SLC5A10: variants seen among roughly 807,000 people sequenced by gnomAD.
SLC5A10 encodes sodium/mannose cotransporter SLC5A10.
Under a neutral mutation model 68.9 loss-of-function variants are expected in SLC5A10, and 55 were observed. That is an observed-to-expected ratio of 0.80 (90% CI 0.64 to 1.00). The LOEUF is 1.00. Ranked by LOEUF, SLC5A10 falls within the 50% of genes least tolerant of loss-of-function variation. The probability of loss-of-function intolerance (pLI) is 0.00; values close to 1 mark genes in which losing one functional copy is unlikely to be tolerated. For synonymous variants in SLC5A10, 344 were observed against 344.8 expected, an observed-to-expected ratio of 1.00 and a Z score of 0.02; for missense variants, 732 against 819.3, an observed-to-expected ratio of 0.89 and a Z score of 1.30.
At chr17:18,970,592 A>G (rs3751969) in intron 7 of SLC5A10, 19,009 of 222,588 alleles carry the variant, frequency 0.085, 1,271 homozygotes, top group South Asian at 0.27. Flanking sequence ...CACACCCTTC[A>G]GGTGATCAGG....
intron 8 of SLC5A10, 60 bp from the exon 9 acceptor site, chr17:18,976,794 C>A (rs2042990803): frequency 6.3e-7 from 1 of 1,595,546 alleles, no homozygotes; most frequent in East Asian, 2.2e-5. Flanking sequence ...CACCAAGGAC[C>A]AATCCTGACA....
At chr17:18,961,514 G>A (rs144467676) in intron 5 of SLC5A10, among the ~76,000 whole-genome samples, 1 of 152,310 alleles carries the variant, frequency 6.6e-6, no homozygotes, top group East Asian at 1.9e-4. Context: ...ACCGTGTGAG[G>A]GCTGCTGTGT....
intron 9 of SLC5A10, among the ~76,000 whole-genome samples, chr17:19,013,196 G>C (rs553457472): frequency 3.0e-4 from 45 of 152,364 alleles, no homozygotes; most frequent in African/African-American, 1.1e-3. Context: ...TCAGGAAGAA[G>C]AGTTATGATG....
chr17:18,998,488 C>A (rs757594569), intron 9 of SLC5A10, among the ~76,000 whole-genome samples: 4 of 152,210 alleles, frequency 2.6e-5, no homozygotes, highest in East Asian at 1.9e-4. Flanking sequence ...AGGCCCCAGC[C>A]GACTCTGAGC....
At chr17:19,016,283 T>C (rs1183249855) in intron 11 of SLC5A10, among the ~76,000 whole-genome samples, 1 of 152,102 alleles carries the variant, frequency 6.6e-6, no homozygotes, top group Admixed American at 6.5e-5. Context: ...TGACCTCAGG[T>C]TATTCATCCA....
intron 8 of SLC5A10, among the ~76,000 whole-genome samples, chr17:18,972,313 T>C (rs1204207701): frequency 6.6e-6 from 1 of 152,138 alleles, no homozygotes; most frequent in Non-Finnish European, 1.5e-5. Flanking sequence ...GGGTCCACCA[T>C]AGGACAAGGC....
At chr17:18,966,562 G>A (rs1043513383) in intron 5 of SLC5A10, among the ~76,000 whole-genome samples, 1 of 152,062 alleles carries the variant, frequency 6.6e-6, no homozygotes, top group Admixed American at 6.5e-5. Flanking sequence ...TCAGGAGTTT[G>A]AGACCAGCCT....
Position 18,979,515 on chromosome 17 carries a change from T to G in SLC5A10, c.982+2526T>G, listed in dbSNP as rs202226383. The G allele has an allele frequency of 6.6e-4, 1,061 of 1,610,214 alleles. 1 individual carries two copies. The highest frequency in any genetic ancestry group is 2.0e-3 in the Admixed American group (119 of 59,718). On this transcript the variant is annotated intron_variant, in intron 9 of 14. Transcript: ENST00000395645. Reference sequence around the variant, plus strand: ...AAGCCAGTTGGGAGCCAGAGGTACCTCTCGCACAACTTCCCTGAAAGCTGG... The same window carrying G: ...AAGCCAGTTGGGAGCCAGAGGTACCGCTCGCACAACTTCCCTGAAAGCTGG...
chr17:19,003,764 T>C lies in SLC5A10; in HGVS notation c.983-9646T>C, dbSNP rs2043799233. ...GGCTTCCTCGCCGTCGCCGACCCCATTGTCCTCGGGCCCCTGAGAGGGGCC... is the reference window on the plus strand; with the variant it reads ...GGCTTCCTCGCCGTCGCCGACCCCACTGTCCTCGGGCCCCTGAGAGGGGCC... On this transcript the variant is annotated intron_variant, in intron 9 of 14. Coordinates refer to ENST00000395645, the MANE Select transcript of SLC5A10 (RefSeq NM_001042450.4). This position sits in a 1 kb window ranked among gnomAD's most constrained non-coding sequence, Gnocchi z 4.5. 7 of 1,608,822 alleles carry C rather than the reference T, an allele frequency of 4.4e-6. No individual in the cohort carries two copies. The highest frequency in any genetic ancestry group is 3.4e-5 in the Admixed American group (2 of 59,292).
intron 9 of SLC5A10, among the ~76,000 whole-genome samples, chr17:19,001,879 G>A (rs1484180270): frequency 6.6e-6 from 1 of 152,200 alleles, no homozygotes; most frequent in African/African-American, 2.4e-5. Context: ...GGGAGGCACA[G>A]AGGAGTGGGA....
Position 19,018,472 on chromosome 17 carries a change from C to T in SLC5A10, c.1242-951C>T, listed in dbSNP as rs1475848783. ...GTCCGAGTGTAGGTAAGAGGCTCAT[C>T]TGTTTTCTTTGCTGGACTCTGAGTG... On this transcript the variant is annotated intron_variant, in intron 11 of 14. Coordinates refer to ENST00000395645, the MANE Select transcript of SLC5A10 (RefSeq NM_001042450.4). This position sits in a 1 kb window ranked among gnomAD's most constrained non-coding sequence, Gnocchi z 4.2. 6.6e-6 allele frequency: 1 copy of T among 152,280 alleles called. No individual in the cohort carries two copies. The highest frequency in any genetic ancestry group is 1.5e-5 in the Non-Finnish European group (1 of 68,098). The allele number at this position is 152,280 out of a possible 1,614,324, so 9.4% of individuals were successfully genotyped here. A position where few individuals can be genotyped will look rare whatever the true frequency, so the allele number is the denominator to read the frequency against.
At chr17:18,964,663 T>C (rs770539859) in intron 5 of SLC5A10, among the ~76,000 whole-genome samples, 6 of 152,034 alleles carry the variant, frequency 3.9e-5, no homozygotes, top group Non-Finnish European at 8.8e-5. Flanking sequence ...GGGGTGGAAA[T>C]GCCAGCCTTG....
At chr17:18,961,224 C>A (rs2042608078) in intron 5 of SLC5A10, among the ~76,000 whole-genome samples, 1 of 152,178 alleles carries the variant, frequency 6.6e-6, no homozygotes, top group Admixed American at 6.5e-5. Context: ...AACTAAGGCC[C>A]AGAGAAGGGA....
chr17:18,969,482 G>T, intron 7 of SLC5A10, 60 bp downstream of exon 7: 1 of 1,429,536 alleles, frequency 7.0e-7, no homozygotes, highest in East Asian at 2.3e-5. Context: ...TTTGGAGTCT[G>T]GCACTGCCCG....
rs2043813494 is a variant in SLC5A10, at chr17:19,004,126, T to C, written c.983-9284T>C. The C allele has an allele frequency of 1.8e-5, 24 of 1,322,042 alleles. No homozygotes were observed. In the South Asian group the frequency reaches 3.4e-4, roughly 19 times the overall value. 81.9% of individuals were successfully genotyped at this position (1,322,042 alleles called of 1,614,324 possible). A position where few individuals can be genotyped will look rare whatever the true frequency, so the allele number is the denominator to read the frequency against. On this transcript the variant is annotated intron_variant, in intron 9 of 14. Coordinates refer to ENST00000395645, the MANE Select transcript of SLC5A10 (RefSeq NM_001042450.4). The surrounding 1 kb of genome is among the most constrained non-coding windows in gnomAD (Gnocchi z 5.4). The stretch of plus-strand genomic sequence containing the variant: ...CCGGCCCAGCTGGGGCACCGCGCGC[T>C]CGGGGGCCTCTCCGCGGCCTCTGCT...
chr17:18,988,501 CCA>C, intron 9 of SLC5A10: 2 of 1,565,850 alleles, frequency 1.3e-6, no homozygotes, highest in Non-Finnish European at 1.7e-6. Flanking sequence ...CCCTCCCATG[CCA>C]CCAGCCTCTC....
Position 19,015,203 on chromosome 17 carries a change from CG to C in SLC5A10, c.1241+9del. 2 of 340,290 alleles carry C rather than the reference CG, an allele frequency of 5.9e-6. No individual in the cohort carries two copies. Among genetic ancestry groups the C allele is most frequent in the Non-Finnish European group, 1.0e-5 (2 of 193,478 alleles). The allele number at this position is 340,290 out of a possible 1,614,324, so 21.1% of individuals were successfully genotyped here. ...GGGAGCTCCTGCTGGTGGGACGGTA[CG>C]GGGGTGGGGGCCAGTACGGGGGTGG... On this transcript the variant is annotated splice_donor_5th_base_variant and intron_variant, in intron 11 of 14. Coordinates refer to ENST00000395645, the MANE Select transcript of SLC5A10 (RefSeq NM_001042450.4).
chr17:18,958,730 G>A lies in SLC5A10; in HGVS notation c.160G>A (p.Gly54Ser). The change falls in exon 2 of 15, where the codon GGC (glycine) becomes AGC (serine). Residue 54 changes from glycine (G) to serine (S), a missense_variant. Gly to Ser is a moderately conservative substitution (Grantham distance 56). Transcript: ENST00000395645. ...CACGGTGAATGGCTACTTCCTGGCA[G>A]GCCGGGACATGACGTGGTGGCCGGT... ...RNTVNGYFLA[G>S]RDMTWWPIGA... is the part of the protein sequence containing the mutation. The A allele has an allele frequency of 6.2e-7, 1 of 1,614,226 alleles. No homozygotes were observed. Among genetic ancestry groups the A allele is most frequent in the South Asian group, 1.1e-5 (1 of 91,080 alleles).
chr17:18,983,801 A>G (rs1167725322), intron 9 of SLC5A10, among the ~76,000 whole-genome samples: 5 of 152,130 alleles, frequency 3.3e-5, no homozygotes, highest in African/African-American at 1.2e-4. Context: ...GGCCCAAAGT[A>G]TGTGACGGCA....
Sources: gnomAD v4.1 joint callset for allele counts (sites outside exome capture counted in the v4.1 genomes callset) on GRCh38, gnomAD v4.1.1 for gene constraint, Gnocchi (gnomAD v3.1) non-coding constraint, MANE v1.5 for transcripts, NCBI Gene and HGNC (gene_info 2026-07-23, HGNC 2026-07-21) for gene names.